The following MAML2 variants were observed in gnomAD, a reference collection of about 807,000 sequenced individuals.
The protein encoded by MAML2 is mastermind-like protein 2.
In MAML2, 22 loss-of-function variants were observed where a neutral mutation model predicts 96.1. The ratio of observed to expected loss-of-function variants is 0.23; its 90% confidence interval spans 0.16 to 0.33. The LOEUF (loss-of-function observed/expected upper bound fraction) is 0.33. Ranked by LOEUF, MAML2 falls within the 10% of genes least tolerant of loss-of-function variation. The pLI, the probability that MAML2 is intolerant of heterozygous loss-of-function variation, is 1.00. For synonymous variants in MAML2, 561 were observed against 521.3 expected, an observed-to-expected ratio of 1.08 and a Z score of -1.04; for missense variants, 1,367 against 1,392.4, an observed-to-expected ratio of 0.98 and a Z score of 0.29.
chr11:96,090,680 T>G (rs1277743136), intron 2 of MAML2, among the ~76,000 whole-genome samples: 2 of 152,234 alleles, frequency 1.3e-5, no homozygotes. Flanking sequence ...AATCTATAAT[T>G]TTTTAAAAAC....
At chr11:96,055,487 A>C (rs1183222594) in intron 2 of MAML2, among the ~76,000 whole-genome samples, 1 of 152,238 alleles carries the variant, frequency 6.6e-6, no homozygotes, top group Non-Finnish European at 1.5e-5. Context: ...ACAAAGCTTT[A>C]TGCATAGTTA....
chr11:96,193,162 T>A (rs1861680096), intron 1 of MAML2, among the ~76,000 whole-genome samples: 1 of 151,972 alleles, frequency 6.6e-6, no homozygotes, highest in Non-Finnish European at 1.5e-5. Context: ...AGGTCAGGAG[T>A]TTGAGACAAG....
At chr11:96,119,188 G>T (rs1035366504) in intron 1 of MAML2, among the ~76,000 whole-genome samples, 6 of 152,114 alleles carry the variant, frequency 3.9e-5, no homozygotes, top group Non-Finnish European at 7.3e-5. Context: ...TAATCCCTGG[G>T]ACCTGTGAAT....
chr11:96,166,690 C>G (rs545193055), intron 1 of MAML2, among the ~76,000 whole-genome samples: 1 of 152,362 alleles, frequency 6.6e-6, no homozygotes, highest in African/African-American at 2.4e-5. Flanking sequence ...TGAAGGAGGG[C>G]TGGTGCCCAA....
chr11:96,205,378 ACATGCATTTAGCAT>A (rs59280453), intron 1 of MAML2, among the ~76,000 whole-genome samples: 2 of 152,312 alleles, frequency 1.3e-5, no homozygotes, highest in East Asian at 1.9e-4. Flanking sequence ...TAATCATCCA[ACATGCATTTAGCAT>A]CATGCATTTA....
intron 2 of MAML2, among the ~76,000 whole-genome samples, chr11:96,085,584 C>T (rs976577272): frequency 2.6e-5 from 4 of 152,214 alleles, no homozygotes; most frequent in Non-Finnish European, 5.9e-5. Context: ...CATTAACCCT[C>T]TTGCATTTCC....
chr11:96,270,624 T>C (rs1434795259), intron 1 of MAML2, among the ~76,000 whole-genome samples: 1 of 152,184 alleles, frequency 6.6e-6, no homozygotes, highest in Non-Finnish European at 1.5e-5. Context: ...TTCTTATTAA[T>C]ACAATAGCTT....
chr11:96,121,039 T>A (rs768354324), intron 1 of MAML2, among the ~76,000 whole-genome samples: 3 of 151,782 alleles, frequency 2.0e-5, no homozygotes, highest in Non-Finnish European at 2.9e-5. Context: ...GGTAGCCAGA[T>A]TCATAACTAA....
At chr11:96,106,261 C>T (rs1354161287) in intron 1 of MAML2, among the ~76,000 whole-genome samples, 2 of 152,170 alleles carry the variant, frequency 1.3e-5, no homozygotes, top group Non-Finnish European at 2.9e-5. Context: ...AAAATACCAC[C>T]TCACCTATAT....
chr11:96,331,210 C>T (rs1234850809), intron 1 of MAML2, among the ~76,000 whole-genome samples: 1 of 152,110 alleles, frequency 6.6e-6, no homozygotes, highest in Non-Finnish European at 1.5e-5. Context: ...GCAGAGGTTG[C>T]AGTAAGCAGA....
In MAML2 at chr11:96,341,605, G is replaced by T; in HGVS notation, c.291C>A (p.Ala97=). ...RKAGKHTKAT[A]TAATTTAPPP... is the part of the protein sequence containing the mutation. ...GAGGGGCTGTAGTGGTGGCAGCAGT[G>T]GCGGTGGCCTTGGTGTGTTTGCCAG... The change falls in exon 1 of 5, where the codon GCC becomes GCA. Residue 97 remains alanine (A), a synonymous_variant. Coordinates refer to ENST00000524717, the MANE Select transcript of MAML2 (RefSeq NM_032427.4). 1 of 1,551,790 alleles carries T rather than the reference G, an allele frequency of 6.4e-7. No homozygotes were observed. The highest frequency in any genetic ancestry group is 8.7e-7 in the Non-Finnish European group (1 of 1,147,080).
chr11:96,233,014 T>C (rs988272531), intron 1 of MAML2, among the ~76,000 whole-genome samples: 1 of 152,220 alleles, frequency 6.6e-6, no homozygotes, highest in Non-Finnish European at 1.5e-5. Flanking sequence ...ATGTGTCTAG[T>C]TTGAGAGAAG....
rs575199087 is a variant in MAML2 at position 96,295,532 on chromosome 11, T to C, written c.513+45851A>G. Among the ~76,000 whole-genome samples, 5 of 152,304 alleles carry C rather than the reference T, an allele frequency of 3.3e-5. No individual in the cohort carries two copies. In the East Asian group the frequency reaches 9.6e-4, roughly 29 times the overall value. ...ACGAAATGCCTATCATCTGGAATGTTTCATCCCAAGACCCTCAGAAGGCTA... is the reference window on the plus strand; with the variant it reads ...ACGAAATGCCTATCATCTGGAATGTCTCATCCCAAGACCCTCAGAAGGCTA... On this transcript the variant is annotated intron_variant, in intron 1 of 4. Transcript: ENST00000524717.
intron 2 of MAML2, among the ~76,000 whole-genome samples, chr11:96,022,214 G>A (rs551286901): frequency 6.6e-6 from 1 of 152,300 alleles, no homozygotes; most frequent in East Asian, 1.9e-4. Context: ...GTATTCCCAA[G>A]GGTTATCTGG....
chr11:96,141,038 A>T (rs1484176512), intron 1 of MAML2, among the ~76,000 whole-genome samples: 1 of 152,162 alleles, frequency 6.6e-6, no homozygotes, highest in Non-Finnish European at 1.5e-5. Flanking sequence ...TGTCTCATGT[A>T]ATATTTGGCC....
Position 96,038,063 on chromosome 11 carries a change from G to A in MAML2, c.2140-46340C>T, listed in dbSNP as rs78005855. ...CATCTATATTTTACTCGTAAAATAT[G>A]AAAGCAGGTAAATATTAAGAATTTA... On this transcript the variant is annotated intron_variant, in intron 2 of 4. Transcript: ENST00000524717. 2.6e-5 allele frequency among the ~76,000 whole-genome samples: 4 copies of A among 152,200 alleles called. No individual in the cohort carries two copies. In the East Asian group the frequency reaches 7.7e-4, roughly 29 times the overall value.
chr11:96,032,628 A>G lies in MAML2; in HGVS notation c.2140-40905T>C, dbSNP rs368308483. 5.3e-5 allele frequency among the ~76,000 whole-genome samples: 8 copies of G among 152,210 alleles called. No homozygotes were observed. The South Asian group carries it at 1.5e-3, about 28-fold the overall frequency. ...AAAAGTTATGTTTCCACAAAAATCA[A>G]ATTGGAAACAATCAAATGTCTCTTA... On this transcript the variant is annotated intron_variant, in intron 2 of 4. Coordinates refer to ENST00000524717, the MANE Select transcript of MAML2 (RefSeq NM_032427.4).
intron 2 of MAML2, among the ~76,000 whole-genome samples, chr11:96,010,742 GAGAA>G (rs1476448844): frequency 2.6e-5 from 4 of 152,168 alleles, no homozygotes; most frequent in Non-Finnish European, 5.9e-5. Context: ...TAGAAAGAGA[GAGAA>G]AGAGAGACAG....
At chr11:96,164,991 T>C (rs1477785992) in intron 1 of MAML2, among the ~76,000 whole-genome samples, 4 of 152,150 alleles carry the variant, frequency 2.6e-5, no homozygotes, top group African/African-American at 2.4e-5. Context: ...ACAACAATTA[T>C]AGAAAACTTG....
Sources: gnomAD v4.1 joint callset for allele counts (sites outside exome capture counted in the v4.1 genomes callset) on GRCh38, gnomAD v4.1.1 for gene constraint, MANE v1.5 for transcripts, NCBI Gene and HGNC (gene_info 2026-07-23, HGNC 2026-07-21) for gene names.